The following DOK6 variants were observed in gnomAD, a reference collection of about 807,000 sequenced individuals.
DOK6 encodes downstream of tyrosine kinase 6.
Under a neutral mutation model 44.0 loss-of-function variants are expected in DOK6, and 22 were observed. The observed-to-expected ratio is 0.50, with a 90% CI of 0.36 to 0.71. DOK6 has a LOEUF of 0.71. DOK6 is among the 30% of genes least tolerant of loss of function. DOK6 has a pLI of 0.00. For missense variants in DOK6, 340 were observed against 416.4 expected, an observed-to-expected ratio of 0.82 and a Z score of 1.60; for synonymous variants, 166 against 145.5, an observed-to-expected ratio of 1.14 and a Z score of -1.01.
At chr18:69,658,143 G>C (rs974085529) in intron 3 of DOK6, among the ~76,000 whole-genome samples, 4 of 151,964 alleles carry the variant, frequency 2.6e-5, no homozygotes, top group African/African-American at 9.7e-5. Context: ...GTTGAGATGG[G>C]GTTTTGCTAT....
chr18:69,650,722 CAT>C (rs1985202602), intron 3 of DOK6, among the ~76,000 whole-genome samples: 1 of 152,152 alleles, frequency 6.6e-6, no homozygotes, highest in Non-Finnish European at 1.5e-5. Context: ...AGTACTGCGT[CAT>C]ACACTCAAAC....
At chr18:69,503,960 T>G (rs932019858) in intron 1 of DOK6, among the ~76,000 whole-genome samples, 7 of 152,042 alleles carry the variant, frequency 4.6e-5, no homozygotes, top group Admixed American at 6.5e-5. Context: ...TTTTGCAAAT[T>G]AAAGAACTAT....
chr18:69,525,962 C>G (rs1981819494), intron 1 of DOK6, among the ~76,000 whole-genome samples: 1 of 151,918 alleles, frequency 6.6e-6, no homozygotes, highest in Admixed American at 6.6e-5. Context: ...AAGCAGTGAT[C>G]TATACAATTT....
chr18:69,577,915 C>T (rs536625469), intron 2 of DOK6, among the ~76,000 whole-genome samples: 8 of 152,130 alleles, frequency 5.3e-5, no homozygotes, highest in South Asian at 2.1e-4. Context: ...TTAATAATGC[C>T]GTGGAAAGCA....
chr18:69,789,241 T>G (rs934665215), intron 7 of DOK6, among the ~76,000 whole-genome samples: 1 of 152,194 alleles, frequency 6.6e-6, no homozygotes, highest in Non-Finnish European at 1.5e-5. Flanking sequence ...TATTAAATAT[T>G]TGTTAAATAA....
chr18:69,588,265 C>T (rs1400708764), intron 2 of DOK6, among the ~76,000 whole-genome samples: 1 of 152,212 alleles, frequency 6.6e-6, no homozygotes, highest in Non-Finnish European at 1.5e-5. Context: ...AGAAACCCAA[C>T]ACAAACAAGT....
At chr18:69,787,684 C>A (rs987453851) in intron 7 of DOK6, among the ~76,000 whole-genome samples, 1 of 152,048 alleles carries the variant, frequency 6.6e-6, no homozygotes, top group Non-Finnish European at 1.5e-5. Context: ...TGCTAAACAA[C>A]CTCAAAGTTA....
At chr18:69,688,375 A>C (rs1357785144) in intron 4 of DOK6, among the ~76,000 whole-genome samples, 1 of 152,250 alleles carries the variant, frequency 6.6e-6, no homozygotes, top group African/African-American at 2.4e-5. Context: ...CACGAGCCAA[A>C]TAATCTTGAA....
chr18:69,597,168 C>T (rs1030133366), intron 2 of DOK6, among the ~76,000 whole-genome samples: 3 of 151,856 alleles, frequency 2.0e-5, no homozygotes, highest in African/African-American at 4.8e-5. Context: ...AGGGAAAAAG[C>T]TATGTAGATA....
At chr18:69,739,198 C>T in intron 6 of DOK6, 95 bp downstream of exon 6, 1 of 1,527,280 alleles carries the variant, frequency 6.5e-7, no homozygotes, top group Non-Finnish European at 8.9e-7. Context: ...CATGTCAGCG[C>T]CTGGGTGTCC....
chr18:69,446,298 C>T (rs1344658190), intron 1 of DOK6, among the ~76,000 whole-genome samples: 1 of 148,824 alleles, frequency 6.7e-6, no homozygotes. Context: ...TGAGTGAGAA[C>T]ACGCGGTGTT....
intron 1 of DOK6, among the ~76,000 whole-genome samples, chr18:69,518,417 G>A (rs1981591789): frequency 6.6e-6 from 1 of 151,532 alleles, no homozygotes; most frequent in African/African-American, 2.4e-5. Context: ...TTCTGATCTT[G>A]CTTCCTCAAC....
intron 1 of DOK6, among the ~76,000 whole-genome samples, chr18:69,491,642 GA>G (rs1342246504): frequency 6.6e-6 from 1 of 152,156 alleles, no homozygotes; most frequent in Non-Finnish European, 1.5e-5. Flanking sequence ...GTTTCCTAAG[GA>G]AGAAACAAGA....
intron 5 of DOK6, among the ~76,000 whole-genome samples, chr18:69,718,350 G>C (rs1044979307): frequency 2.0e-5 from 3 of 152,104 alleles, no homozygotes; most frequent in Non-Finnish European, 4.4e-5. Flanking sequence ...GAAGCTGAGA[G>C]TTGGGGTGAG....
At chr18:69,745,978 G>C (rs914963416) in intron 6 of DOK6, among the ~76,000 whole-genome samples, 3 of 152,106 alleles carry the variant, frequency 2.0e-5, no homozygotes, top group Non-Finnish European at 2.9e-5. Flanking sequence ...TTTAGAAAGA[G>C]CCCAAAATTT....
At position 69,841,283 on chromosome 18, in the gene DOK6, C is replaced by G; in HGVS notation, c.896C>G (p.Thr299Arg). Residue 299 changes from threonine (T) to arginine (R), a missense_variant, in exon 8 of 8, where the codon ACA (threonine) becomes AGA (arginine). Coordinates refer to ENST00000382713, the MANE Select transcript of DOK6 (RefSeq NM_152721.6). The stretch of plus-strand genomic sequence containing the variant: ...TCGTCAAAGATGTCTCGTGCACAGA[C>G]ATTTCCCAGCTACGCCCCAGAACAG... ...FGSSKMSRAQ[T>R]FPSYAPEQSE... 1 of 1,614,216 alleles carries G rather than the reference C, an allele frequency of 6.2e-7. No homozygotes were observed. Among genetic ancestry groups the G allele is most frequent in the Non-Finnish European group, 8.5e-7 (1 of 1,180,026 alleles).
chr18:69,636,703 C>T (rs1321402619), intron 3 of DOK6, among the ~76,000 whole-genome samples: 3 of 152,180 alleles, frequency 2.0e-5, no homozygotes, highest in Non-Finnish European at 2.9e-5. Context: ...GCTCTTCTTG[C>T]AGTTACTGTA....
intron 1 of DOK6, among the ~76,000 whole-genome samples, chr18:69,483,330 C>G (rs1284700111): frequency 6.6e-6 from 1 of 151,972 alleles, no homozygotes; most frequent in Non-Finnish European, 1.5e-5. Context: ...TATACACCAA[C>G]AACAGTCAAG....
intron 3 of DOK6, among the ~76,000 whole-genome samples, chr18:69,644,669 C>A (rs1396454719): frequency 6.6e-6 from 1 of 152,158 alleles, no homozygotes; most frequent in Non-Finnish European, 1.5e-5. Flanking sequence ...AATTGTGAGT[C>A]TTTTTATAAG....
Sources: allele counts gnomAD v4.1 joint callset (sites outside exome capture counted in the v4.1 genomes callset), GRCh38; gene constraint gnomAD v4.1.1; transcripts MANE v1.5; gene names NCBI Gene and HGNC (gene_info 2026-07-23, HGNC 2026-07-21).